The following PPP3CC variants were observed in gnomAD, a reference collection of about 807,000 sequenced individuals.
The protein encoded by PPP3CC is serine/threonine-protein phosphatase 2B catalytic subunit gamma isoform.
A neutral mutation model predicts 60.3 loss-of-function variants in PPP3CC; 35 were observed. The observed-to-expected ratio is 0.58, with a 90% confidence interval of 0.44 to 0.77. The LOEUF is 0.77. PPP3CC is among the 30% of genes least tolerant of loss of function. The probability of loss-of-function intolerance (pLI) is 0.00; values close to 1 mark genes in which losing one functional copy is unlikely to be tolerated. For missense variants in PPP3CC, 570 were observed against 628.9 expected (o/e 0.91, Z 1.00); for synonymous variants, 206 against 224.3 (o/e 0.92, Z 0.73).
At chr8:22,518,664 A>G (rs1356672673) in intron 6 of PPP3CC, among the ~76,000 whole-genome samples, 1 of 152,030 alleles carries the variant, frequency 6.6e-6, no homozygotes, top group Non-Finnish European at 1.5e-5. Flanking sequence ...CATTACAGAG[A>G]ATGATGTATT....
At position 22,527,537 on chromosome 8, in the gene PPP3CC, T is replaced by C. The variant is rs757344378; in HGVS notation, c.1069+20T>C. The C allele has an allele frequency of 2.5e-6, 4 of 1,612,148 alleles. No homozygotes were observed. The highest frequency in any genetic ancestry group is 4.5e-5 in the East Asian group (2 of 44,864). On this transcript the variant is annotated intron_variant, in intron 9 of 13. Transcript: ENST00000240139. ...AAAAAGGTAAGAGAACTAAAGCACATGTCTCATCAGTTGTTTGGTGACTGA... is the reference window on the plus strand; with the variant it reads ...AAAAAGGTAAGAGAACTAAAGCACACGTCTCATCAGTTGTTTGGTGACTGA...
At chr8:22,493,015 C>A in intron 3 of PPP3CC, 1 of 1,296,522 alleles carries the variant, frequency 7.7e-7, no homozygotes, top group Non-Finnish European at 1.1e-6. Flanking sequence ...CCACTTGCTA[C>A]TGGAGAGGAT....
rs1346731231 is a variant in PPP3CC at position 22,531,269 on chromosome 8, C to G, written c.1142-956C>G. 6 of 1,518,154 alleles carry G rather than the reference C, an allele frequency of 4.0e-6. No homozygotes were observed. In the South Asian group the frequency reaches 6.0e-5, roughly 15 times the overall value. The allele number at this position is 1,518,154 out of a possible 1,614,324, so 94.0% of individuals were successfully genotyped here. On this transcript the variant is annotated intron_variant, in intron 10 of 13. Coordinates refer to ENST00000240139, the MANE Select transcript of PPP3CC (RefSeq NM_005605.5). ...TCTCTTCTCATATTTCTGTCTTCAT[C>G]TCCTTGTTTCTTGGTGTTTCTTCTC...
chr8:22,522,874 T>C (rs1034535222), intron 8 of PPP3CC, 125 bp downstream of exon 8: 1 of 715,618 alleles, frequency 1.4e-6, no homozygotes, highest in Non-Finnish European at 2.2e-6. Context: ...AAAAAAGGGG[T>C]CTTAGTTGAA....
intron 1 of PPP3CC, among the ~76,000 whole-genome samples, chr8:22,474,430 G>T (rs62492583): frequency 0.054 from 8,256 of 151,900 alleles, 325 homozygotes; most frequent in Non-Finnish European, 0.082. Flanking sequence ...AGGGCTGGGC[G>T]CAGTGGCTCA....
chr8:22,487,022 G>T (rs534511313), intron 3 of PPP3CC, among the ~76,000 whole-genome samples: 33 of 152,150 alleles, frequency 2.2e-4, no homozygotes, highest in African/African-American at 6.3e-4. Context: ...GAGCCACCGC[G>T]CCCAGCCCAG....
At chr8:22,491,718 AT>A (rs1035859477) in intron 3 of PPP3CC, among the ~76,000 whole-genome samples, 1 of 152,004 alleles carries the variant, frequency 6.6e-6, no homozygotes, top group African/African-American at 2.4e-5. Flanking sequence ...GTCATATGGG[AT>A]TTTTTTAGAG....
intron 1 of PPP3CC, among the ~76,000 whole-genome samples, chr8:22,444,161 C>T (rs1055919647): frequency 1.3e-5 from 2 of 150,842 alleles, no homozygotes; most frequent in African/African-American, 2.5e-5. Context: ...GAGGCTGAGG[C>T]AGGAGAATCG....
chr8:22,446,805 CAAAAAA>C (rs34407184), intron 1 of PPP3CC, among the ~76,000 whole-genome samples: 10 of 21,986 alleles, frequency 4.5e-4, no homozygotes, highest in African/African-American at 1.1e-3. Flanking sequence ...GACTCTGTCT[CAAAAAA>C]AAAAAAAAAA....
chr8:22,524,036 T>G (rs1313358836), intron 8 of PPP3CC, among the ~76,000 whole-genome samples: 2 of 152,220 alleles, frequency 1.3e-5, no homozygotes, highest in Non-Finnish European at 2.9e-5. Flanking sequence ...GCCTCATCTT[T>G]AAAATATCTG....
chr8:22,499,445 CAAAAA>C (rs1241426528), intron 4 of PPP3CC, among the ~76,000 whole-genome samples: 1 of 92,600 alleles, frequency 1.1e-5, no homozygotes, highest in Admixed American at 1.1e-4. Context: ...GACTCCGTCT[CAAAAA>C]AAAAAAGAAA....
Position 22,475,678 on chromosome 8 carries a change from G to T in PPP3CC, c.372+54G>T, listed in dbSNP as rs575096485. On this transcript the variant is annotated intron_variant, in intron 3 of 13. Coordinates refer to ENST00000240139, the MANE Select transcript of PPP3CC (RefSeq NM_005605.5). Reference sequence around the variant, plus strand: ...TATTATATTGTCTTTCAAAAAAGATGATTTCCATTCTTCAGTAGAAGAAAT... The same window carrying T: ...TATTATATTGTCTTTCAAAAAAGATTATTTCCATTCTTCAGTAGAAGAAAT... The T allele has an allele frequency of 4.8e-6, 7 of 1,467,436 alleles. No homozygotes were observed. In the South Asian group the frequency reaches 5.5e-5, roughly 12 times the overall value. The allele number at this position is 1,467,436 out of a possible 1,614,324, so 90.9% of individuals were successfully genotyped here.
rs1377157052 is a variant in PPP3CC at position 22,522,618 on chromosome 8, T to C, written c.849-37T>C. On this transcript the variant is annotated intron_variant, in intron 7 of 13. Coordinates refer to ENST00000240139, the MANE Select transcript of PPP3CC (RefSeq NM_005605.5). ...AATATCGCTGCAGAGTCTTTGCATT[T>C]AATATGCAGACAGATGGACTTTCAT... 1.9e-6 allele frequency: 3 copies of C among 1,591,132 alleles called. No homozygotes were observed. The Admixed American group carries it at 5.1e-5, about 27-fold the overall frequency.
At chr8:22,532,150 C>T in intron 10 of PPP3CC, 75 bp from the exon 11 acceptor site, 2 of 1,046,612 alleles carry the variant, frequency 1.9e-6, no homozygotes, top group South Asian at 3.1e-5. Context: ...TAACTTAAGA[C>T]ACTTCATCCT....
chr8:22,493,265 C>T (rs192268736), intron 3 of PPP3CC, among the ~76,000 whole-genome samples: 1 of 151,986 alleles, frequency 6.6e-6, no homozygotes, highest in Non-Finnish European at 1.5e-5. Flanking sequence ...GACACTGCAG[C>T]TCTTTTCAGT....
intron 12 of PPP3CC, among the ~76,000 whole-genome samples, chr8:22,534,661 A>G (rs1839805414): frequency 6.6e-6 from 1 of 152,246 alleles, no homozygotes; most frequent in Non-Finnish European, 1.5e-5. Context: ...AGCTTTATTC[A>G]TAATAGCTCA....
At position 22,513,341 on chromosome 8, in the gene PPP3CC, C is replaced by G. The variant is rs1285551091; in HGVS notation, c.679C>G (p.Leu227Val). Residue 227 changes from leucine (L) to valine (V), a missense_variant, in exon 6 of 14, where the codon CTT becomes GTT. Leu to Val is a conservative substitution (Grantham distance 32, BLOSUM62 1). Transcript: ENST00000240139. The stretch of plus-strand genomic sequence containing the variant: ...CGCCTTTGGACCTGTGTGTGACCTG[C>G]TTTGGTCTGATCCCTCAGAGGATTA... ...PPAFGPVCDL[L>V]WSDPSEDYGN... is the part of the protein sequence containing the mutation. The G allele has an allele frequency of 1.9e-6, 3 of 1,613,790 alleles. No individual in the cohort carries two copies. In the South Asian group the frequency reaches 3.3e-5, roughly 18 times the overall value.
At chr8:22,539,527 ATCCATGTG>A (rs1839913778) in intron 13 of PPP3CC, 29 bp downstream of exon 13, 1 of 1,608,216 alleles carries the variant, frequency 6.2e-7, no homozygotes, top group South Asian at 1.1e-5. Context: ...GATAGATGTG[ATCCATGTG>A]TCTGTGTACT....
intron 10 of PPP3CC, among the ~76,000 whole-genome samples, chr8:22,531,088 A>G (rs1839702190): frequency 6.6e-6 from 1 of 152,196 alleles, no homozygotes; most frequent in East Asian, 1.9e-4. Flanking sequence ...ATAAACTTTT[A>G]AGAAATGGAA....
Sources: gnomAD v4.1 joint callset for allele counts (sites outside exome capture counted in the v4.1 genomes callset) on GRCh38, gnomAD v4.1.1 for gene constraint, MANE v1.5 for transcripts, NCBI Gene and HGNC (gene_info 2026-07-23, HGNC 2026-07-21) for gene names.